MICU3: variants seen among roughly 807,000 people sequenced by gnomAD.
The protein encoded by MICU3 is mitochondrial calcium uptake 3, also known as calcium uptake protein 3, mitochondrial.
Under a neutral mutation model 66.5 loss-of-function variants are expected in MICU3, and 62 were observed. The ratio of observed to expected loss-of-function variants is 0.93; its 90% CI spans 0.76 to 1.15. MICU3 has a LOEUF of 1.15. Among genes scored for constraint, MICU3 ranks in the 50% most tolerant of loss-of-function variants. MICU3 has a pLI of 0.00. For synonymous variants in MICU3, 308 were observed against 240.7 expected, an observed-to-expected ratio of 1.28 and a Z score of -2.59; for missense variants, 779 against 664.4, an observed-to-expected ratio of 1.17 and a Z score of -1.90.
chr8:17,102,828 A>G (rs1002561287), intron 9 of MICU3: 1 of 151,992 alleles, frequency 6.6e-6, no homozygotes. Context: ...ATTGTAGACA[A>G]CTTCTCAGGT....
chr8:17,064,269 T>A (rs1384044743), intron 2 of MICU3, 32 bp downstream of exon 2: 1 of 1,556,558 alleles, frequency 6.4e-7, no homozygotes, highest in East Asian at 2.3e-5. Context: ...TCTTAATAAT[T>A]GTATAATTTT....
At chr8:17,027,902 A>G (rs983800776) in intron 1 of MICU3, among the ~76,000 whole-genome samples, 6 of 152,196 alleles carry the variant, frequency 3.9e-5, no homozygotes, top group African/African-American at 1.4e-4. Context: ...CCAAGTATCA[A>G]TCCAAACCCA....
At chr8:17,060,296 C>CTTTT (rs11345470) in intron 1 of MICU3, among the ~76,000 whole-genome samples, 2 of 145,564 alleles carry the variant, frequency 1.4e-5, no homozygotes, top group Non-Finnish European at 1.5e-5. Context: ...AAACTGTTTA[C>CTTTT]TTTTTTTTTT....
chr8:17,090,432 A>G, intron 7 of MICU3, 114 bp from the exon 8 acceptor site: 1 of 799,856 alleles, frequency 1.3e-6, no homozygotes, highest in South Asian at 1.8e-5. Context: ...ATGTAGCATA[A>G]TGATTTGCCC....
intron 1 of MICU3, among the ~76,000 whole-genome samples, chr8:17,049,957 C>T (rs760243852): frequency 2.6e-5 from 4 of 151,982 alleles, no homozygotes; most frequent in Non-Finnish European, 4.4e-5. Flanking sequence ...GTGACTGTTT[C>T]TATGGTAGCA....
the MICU3 span, among the ~76,000 whole-genome samples, chr8:17,134,734 A>G: frequency 0.063 from 9,626 of 152,124 alleles, 1,089 homozygotes; most frequent in African/African-American, 0.22. Context: ...GTGAGCCACC[A>G]CACTGGCCGA....
intron 1 of MICU3, among the ~76,000 whole-genome samples, chr8:17,029,484 A>AG (rs2150468454): frequency 6.6e-6 from 1 of 152,344 alleles, no homozygotes; most frequent in East Asian, 1.9e-4. Context: ...CTCAAAAAAA[A>AG]AAATTATTTT....
chr8:17,118,811 A>T (rs1282489789), intron 14 of MICU3, 36 bp downstream of exon 14: 11 of 1,190,736 alleles, frequency 9.2e-6, no homozygotes, highest in Non-Finnish European at 1.1e-5. Context: ...TTTGTTCAGT[A>T]ACAATAGGGA....
the MICU3 span, among the ~76,000 whole-genome samples, chr8:17,134,901 G>C: frequency 6.6e-6 from 1 of 152,102 alleles, no homozygotes; most frequent in African/African-American, 2.4e-5. Context: ...CAAGTATCTG[G>C]GCACCAAATG....
chr8:17,036,600 A>G (rs951261694), intron 1 of MICU3, among the ~76,000 whole-genome samples: 4 of 152,266 alleles, frequency 2.6e-5, no homozygotes, highest in Middle Eastern at 3.4e-3. Context: ...AGGTTCTCCA[A>G]GGCCCCACCA....
At chr8:17,124,993 C>T (rs968067195), downstream of MICU3, among the ~76,000 whole-genome samples, 1 of 151,996 alleles carries the variant, frequency 6.6e-6, no homozygotes, top group African/African-American at 2.4e-5. Flanking sequence ...ACTCAACAGT[C>T]TTTTCAACCT....
chr8:17,059,790 T>A (rs1413847312), intron 1 of MICU3, among the ~76,000 whole-genome samples: 2 of 152,092 alleles, frequency 1.3e-5, no homozygotes, highest in African/African-American at 2.4e-5. Flanking sequence ...CCAAAAAAAA[T>A]TTAAAATTTA....
intron 1 of MICU3, among the ~76,000 whole-genome samples, chr8:17,053,861 T>G (rs1393499944): frequency 6.6e-6 from 1 of 152,174 alleles, no homozygotes. Flanking sequence ...GCAATTCCCA[T>G]AAAATAATTT....
chr8:17,078,835 A>G (rs1820763819), intron 4 of MICU3, among the ~76,000 whole-genome samples: 1 of 152,108 alleles, frequency 6.6e-6, no homozygotes, highest in African/African-American at 2.4e-5. Flanking sequence ...TAAATCTTCA[A>G]GAAACCTAGG....
rs1444491406 is a variant in MICU3 at position 17,071,563 on chromosome 8, CG to C, written c.567+1848del. 2.0e-5 allele frequency among the ~76,000 whole-genome samples: 3 copies of C among 151,556 alleles called. No homozygotes were observed. The East Asian group carries it at 5.8e-4, about 30-fold the overall frequency. On this transcript the variant is annotated intron_variant, in intron 3 of 14. Coordinates refer to ENST00000318063, the MANE Select transcript of MICU3 (RefSeq NM_181723.3). Reference sequence around the variant, plus strand: ...GGGCTTAGGACTTCAACATATGAATCGGGGAGAGGGGCACAATTGAGACCAT... The same window carrying C: ...GGGCTTAGGACTTCAACATATGAATCGGGAGAGGGGCACAATTGAGACCAT...
intron 9 of MICU3, among the ~76,000 whole-genome samples, chr8:17,101,039 C>G (rs755771800): frequency 1.3e-5 from 2 of 151,686 alleles, no homozygotes; most frequent in Non-Finnish European, 2.9e-5. Flanking sequence ...TTCGATACCT[C>G]GTAGGGTTAT....
At chr8:17,044,808 G>C (rs1331218024) in intron 1 of MICU3, among the ~76,000 whole-genome samples, 1 of 152,214 alleles carries the variant, frequency 6.6e-6, no homozygotes, top group Non-Finnish European at 1.5e-5. Flanking sequence ...GGTGTAATAA[G>C]GAGCAGTTGG....
At chr8:17,076,611 T>G (rs1324414170) in intron 3 of MICU3, among the ~76,000 whole-genome samples, 2 of 152,190 alleles carry the variant, frequency 1.3e-5, no homozygotes, top group Non-Finnish European at 2.9e-5. Context: ...ACCAAGAATT[T>G]TTCTTCCTGC....
chr8:17,134,771 C>T, the MICU3 span, among the ~76,000 whole-genome samples: 2 of 152,146 alleles, frequency 1.3e-5, no homozygotes, highest in African/African-American at 4.8e-5. Context: ...TCTCTTCAGA[C>T]TTTCAAATGA....
Sources: gnomAD v4.1 joint callset for allele counts (sites outside exome capture counted in the v4.1 genomes callset) on GRCh38, gnomAD v4.1.1 for gene constraint, MANE v1.5 for transcripts, NCBI Gene and HGNC (gene_info 2026-07-23, HGNC 2026-07-21) for gene names.